The following GDAP1 variants were observed in gnomAD, a reference collection of about 807,000 sequenced individuals.
GDAP1 encodes the protein ganglioside-induced differentiation-associated protein 1.
A neutral mutation model predicts 40.1 loss-of-function variants in GDAP1; 34 were observed. The ratio of observed to expected loss-of-function variants is 0.85; its 90% CI spans 0.64 to 1.13. The LOEUF is 1.13. GDAP1 is among the 50% of genes most tolerant of loss of function. The probability of loss-of-function intolerance (pLI) is 0.00; values close to 1 mark genes in which losing one functional copy is unlikely to be tolerated. For missense variants in GDAP1, 374 were observed against 433.7 expected (o/e 0.86, Z 1.22); for synonymous variants, 170 against 157.4 (o/e 1.08, Z -0.60).
intron 2 of GDAP1, among the ~76,000 whole-genome samples, chr8:74,466,346 C>T (rs934270884): frequency 7.9e-5 from 12 of 152,190 alleles, no homozygotes; most frequent in African/African-American, 2.7e-4. Flanking sequence ...GAAACGTGAT[C>T]TGATTTGAGT....
At chr8:74,484,104 TA>T (rs1806746395) in intron 2 of GDAP1, among the ~76,000 whole-genome samples, 1 of 152,210 alleles carries the variant, frequency 6.6e-6, no homozygotes, top group Non-Finnish European at 1.5e-5. Context: ...TCATTTAAAA[TA>T]CTAATTAAAA....
At chr8:74,431,534 C>T (rs966442840) in intron 2 of GDAP1, among the ~76,000 whole-genome samples, 16 of 151,920 alleles carry the variant, frequency 1.1e-4, no homozygotes, top group African/African-American at 3.6e-4. Context: ...CAGGCTGGAG[C>T]ACAGTGGCTG....
intron 2 of GDAP1, among the ~76,000 whole-genome samples, chr8:74,355,807 G>A (rs1450799133): frequency 6.6e-6 from 1 of 151,682 alleles, no homozygotes; most frequent in Non-Finnish European, 1.5e-5. Flanking sequence ...TGAACATCAC[G>A]TTCATGTCTT....
intron 2 of GDAP1, among the ~76,000 whole-genome samples, chr8:74,398,388 C>T (rs899196649): frequency 9.2e-5 from 14 of 152,132 alleles, no homozygotes; most frequent in East Asian, 1.9e-4. Flanking sequence ...TTCCTGAATA[C>T]GGCACACTTG....
At chr8:74,358,121 A>G (rs1316488550) in intron 2 of GDAP1, among the ~76,000 whole-genome samples, 1 of 152,180 alleles carries the variant, frequency 6.6e-6, no homozygotes, top group African/African-American at 2.4e-5. Context: ...TGCTTCAGGA[A>G]ATGGTTAGAC....
chr8:74,427,173 A>T (rs938203395), intron 2 of GDAP1, among the ~76,000 whole-genome samples: 2 of 152,170 alleles, frequency 1.3e-5, no homozygotes, highest in Non-Finnish European at 2.9e-5. Context: ...GGCCTGATCA[A>T]GATATGTGAT....
intron 2 of GDAP1, among the ~76,000 whole-genome samples, chr8:74,379,874 G>T (rs1345426074): frequency 6.6e-6 from 1 of 152,154 alleles, no homozygotes; most frequent in Non-Finnish European, 1.5e-5. Flanking sequence ...AAAGATTTTA[G>T]GGGTCAAGTG....
At chr8:74,422,349 C>CTTTCTTT (rs1451707578) in intron 2 of GDAP1, among the ~76,000 whole-genome samples, 1 of 35,474 alleles carries the variant, frequency 2.8e-5, no homozygotes, top group African/African-American at 1.5e-4. Flanking sequence ...TTCTTTCTTT[C>CTTTCTTT]TTCCCTTCCT....
chr8:74,441,534 A>C (rs1172497650), intron 2 of GDAP1, among the ~76,000 whole-genome samples: 2 of 152,190 alleles, frequency 1.3e-5, no homozygotes, highest in East Asian at 3.8e-4. Flanking sequence ...TATGTGTTGA[A>C]GTAATTTGAA....
chr8:74,442,931 G>A (rs1337425881), intron 2 of GDAP1, among the ~76,000 whole-genome samples: 1 of 152,174 alleles, frequency 6.6e-6, no homozygotes. Flanking sequence ...CATTCTTAAT[G>A]CATTCATTAT....
At chr8:74,375,082 C>CT (rs55935911) in intron 2 of GDAP1, among the ~76,000 whole-genome samples, 151,350 of 152,302 alleles carry the variant, frequency 0.99, 75,208 homozygotes, top group East Asian at 1. Context: ...AATCCCAGAT[C>CT]TTGGGAGGTC....
At chr8:74,389,493 G>A (rs1055491320) in intron 2 of GDAP1, among the ~76,000 whole-genome samples, 1 of 152,122 alleles carries the variant, frequency 6.6e-6, no homozygotes, top group African/African-American at 2.4e-5. Context: ...TAGGAGTGTT[G>A]AATATTGGCC....
chr8:74,372,855 G>T (rs1441918451), intron 2 of GDAP1, among the ~76,000 whole-genome samples: 5 of 152,154 alleles, frequency 3.3e-5, no homozygotes, highest in Non-Finnish European at 5.9e-5. Flanking sequence ...CCTATGTCCT[G>T]AATGGTATTG....
In GDAP1 at chr8:74,364,959, A is replaced by C. The variant is rs1809552009; in HGVS notation, c.*592A>C. ...TGTAAAAGTCTTAAGTGATATTAAG[A>C]TGATTCCTTACCATTTCAGATGGTC... On this transcript the variant is annotated 3_prime_UTR_variant, in exon 6 of 6. Coordinates refer to ENST00000220822, the MANE Select transcript of GDAP1 (RefSeq NM_018972.4). The C allele has an allele frequency of 2.2e-6, 1 of 454,032 alleles. No homozygotes were observed. The highest frequency in any genetic ancestry group is 1.6e-5 in the South Asian group (1 of 64,468). 28.1% of individuals were successfully genotyped at this position (454,032 alleles called of 1,614,324 possible). A position where few individuals can be genotyped will look rare whatever the true frequency, so the allele number is the denominator to read the frequency against.
At chr8:74,405,729 A>G (rs371747982) in intron 2 of GDAP1, among the ~76,000 whole-genome samples, 1 of 150,198 alleles carries the variant, frequency 6.7e-6, no homozygotes, top group African/African-American at 2.5e-5. Context: ...CCCATCTTGA[A>G]TAGCAGAGTT....
intron 2 of GDAP1, among the ~76,000 whole-genome samples, chr8:74,401,172 C>T (rs10092046): frequency 0.46 from 65,939 of 142,798 alleles, 15,150 homozygotes; most frequent in Middle Eastern, 0.53. Flanking sequence ...CCATTCTCCC[C>T]GTCACTTTCG....
chr8:74,443,851 A>G (rs1463191191), intron 2 of GDAP1, among the ~76,000 whole-genome samples: 1 of 151,972 alleles, frequency 6.6e-6, no homozygotes, highest in Non-Finnish European at 1.5e-5. Flanking sequence ...CTGTCTATCC[A>G]CATTTAAATA....
At chr8:74,463,208 T>C in intron 2 of GDAP1, among the ~76,000 whole-genome samples, 1 of 143,680 alleles carries the variant, frequency 7.0e-6, no homozygotes. Flanking sequence ...TCCCAGCACT[T>C]TGGGAGGCCA....
chr8:74,482,119 T>TGG (rs112227784), intron 2 of GDAP1, among the ~76,000 whole-genome samples: 163 of 70,714 alleles, frequency 2.3e-3, no homozygotes, highest in Non-Finnish European at 4.7e-3. Context: ...GGTTTTTTTT[T>TGG]GGGGGGGGGG....
Sources: allele counts gnomAD v4.1 joint callset (sites outside exome capture counted in the v4.1 genomes callset), GRCh38; gene constraint gnomAD v4.1.1; transcripts MANE v1.5; gene names NCBI Gene and HGNC (gene_info 2026-07-23, HGNC 2026-07-21).